The following CLASP1 variants were observed in gnomAD, a reference collection of about 807,000 sequenced individuals.
The protein encoded by CLASP1 is cytoplasmic linker associated protein 1.
Under a neutral mutation model 192.3 loss-of-function variants are expected in CLASP1, and 38 were observed. The ratio of observed to expected loss-of-function variants is 0.20; its 90% confidence interval spans 0.15 to 0.26. The LOEUF (loss-of-function observed/expected upper bound fraction) is 0.26, where lower values mean the gene tolerates loss of function less well. Ranked by LOEUF, CLASP1 falls within the 10% of genes least tolerant of loss-of-function variation. The pLI, the probability that CLASP1 is intolerant of heterozygous loss-of-function variation, is 1.00. For synonymous variants in CLASP1, 691 were observed against 712.8 expected (o/e 0.97, Z 0.49); for missense variants, 1,433 against 1,932.5 (o/e 0.74, Z 4.85).
intron 1 of CLASP1, among the ~76,000 whole-genome samples, chr2:121,637,518 T>C (rs186954318): frequency 2.0e-4 from 30 of 152,120 alleles, no homozygotes; most frequent in Admixed American, 9.2e-4. Flanking sequence ...GAGGAAAACA[T>C]AGGGATAAAT....
At chr2:121,428,061 T>C (rs995931026) in intron 20 of CLASP1, among the ~76,000 whole-genome samples, 71 of 152,364 alleles carry the variant, frequency 4.7e-4, no homozygotes, top group African/African-American at 1.6e-3. Flanking sequence ...TCACTCTTCC[T>C]GAGTACGATT....
In CLASP1 at chr2:121,583,971, T is replaced by C. The variant is rs79781852; in HGVS notation, c.195+21730A>G. On this transcript the variant is annotated intron_variant, in intron 2 of 39. Transcript: ENST00000263710. ...TTTTTGCCCTTCCACTCTTCTGCCATGTGAGGACACAGCGTTTGTCCCTTC... is the reference window on the plus strand; with the variant it reads ...TTTTTGCCCTTCCACTCTTCTGCCACGTGAGGACACAGCGTTTGTCCCTTC... Among the ~76,000 whole-genome samples, 950 of 151,574 alleles carry C rather than the reference T, an allele frequency of 6.3e-3. 15 individuals are homozygous for C. Among genetic ancestry groups the C allele is most frequent in the African/African-American group, 0.022 (919 of 40,900 alleles).
intron 2 of CLASP1, among the ~76,000 whole-genome samples, chr2:121,537,285 G>A (rs1452967348): frequency 6.6e-6 from 1 of 151,918 alleles, no homozygotes; most frequent in Non-Finnish European, 1.5e-5. Flanking sequence ...TCAGCTACTC[G>A]CATCGCTGAG....
At chr2:121,411,827 C>T (rs1170955137) in intron 23 of CLASP1, among the ~76,000 whole-genome samples, 5 of 152,112 alleles carry the variant, frequency 3.3e-5, no homozygotes, top group Non-Finnish European at 5.9e-5. Context: ...AGGAGAAAGG[C>T]AGTGTAAGTT....
At chr2:121,545,728 A>C (rs1231484360) in intron 2 of CLASP1, among the ~76,000 whole-genome samples, 1 of 152,144 alleles carries the variant, frequency 6.6e-6, no homozygotes, top group Non-Finnish European at 1.5e-5. Context: ...TATTCCAATA[A>C]TATCTTCCAT....
chr2:121,395,702 T>G (rs1226405781), intron 30 of CLASP1, among the ~76,000 whole-genome samples: 1 of 152,180 alleles, frequency 6.6e-6, no homozygotes, highest in African/African-American at 2.4e-5. Flanking sequence ...TGCATTGAGC[T>G]GACAATACAC....
At chr2:121,406,592 T>C (rs529958865) in intron 25 of CLASP1, among the ~76,000 whole-genome samples, 2 of 152,042 alleles carry the variant, frequency 1.3e-5, no homozygotes, top group Non-Finnish European at 2.9e-5. Context: ...TATTTTTTTA[T>C]TTTTTTTATT....
intron 1 of CLASP1, among the ~76,000 whole-genome samples, chr2:121,639,268 C>T (rs2071557005): frequency 1.3e-5 from 2 of 151,772 alleles, no homozygotes; most frequent in Admixed American, 1.3e-4. Context: ...CAGAGCGAGA[C>T]TCTGTCTCAA....
chr2:121,574,751 AC>A (rs908428322), intron 2 of CLASP1, among the ~76,000 whole-genome samples: 2 of 152,164 alleles, frequency 1.3e-5, no homozygotes, highest in African/African-American at 4.8e-5. Flanking sequence ...AGCCTGGCCA[AC>A]ATGATGAAAC....
chr2:121,552,300 G>C (rs1428422141), intron 2 of CLASP1, among the ~76,000 whole-genome samples: 1 of 152,128 alleles, frequency 6.6e-6, no homozygotes, highest in Non-Finnish European at 1.5e-5. Context: ...TCATGACAAA[G>C]ACACCAAAAG....
intron 8 of CLASP1, among the ~76,000 whole-genome samples, chr2:121,493,033 C>G (rs1251497336): frequency 6.6e-6 from 1 of 152,046 alleles, no homozygotes; most frequent in African/African-American, 2.4e-5. Context: ...TATATTTTAA[C>G]AAAGCAATTT....
rs147977737 is a variant in CLASP1, at chr2:121,549,764, G to A, written c.196-19439C>T. 2.0e-3 allele frequency among the ~76,000 whole-genome samples: 293 copies of A among 149,702 alleles called. 1 individual carries two copies. Among genetic ancestry groups the A allele is most frequent in the African/African-American group, 5.8e-3 (232 of 40,248 alleles). Reference sequence around the variant, plus strand: ...CTCACGCCTGTAATCCCAGCACTGTGGGAGGCAGAGGCGGGCAGATCATGA... The same window carrying A: ...CTCACGCCTGTAATCCCAGCACTGTAGGAGGCAGAGGCGGGCAGATCATGA... On this transcript the variant is annotated intron_variant, in intron 2 of 39. Transcript: ENST00000263710.
chr2:121,599,817 G>A (rs1324747779), intron 2 of CLASP1, among the ~76,000 whole-genome samples: 2 of 151,020 alleles, frequency 1.3e-5, no homozygotes, highest in Non-Finnish European at 2.9e-5. Context: ...CTACTCAGGA[G>A]GCTGAGGCAC....
intron 8 of CLASP1, among the ~76,000 whole-genome samples, chr2:121,496,008 A>C (rs1180013389): frequency 6.6e-6 from 1 of 152,234 alleles, no homozygotes; most frequent in Non-Finnish European, 1.5e-5. Flanking sequence ...ATTGCAGAGC[A>C]GGGCACAGAC....
chr2:121,458,101 G>C (rs1252198667), intron 13 of CLASP1, among the ~76,000 whole-genome samples: 1 of 152,158 alleles, frequency 6.6e-6, no homozygotes, highest in African/African-American at 2.4e-5. Flanking sequence ...CAATAGAAAT[G>C]TCCAATAATG....
At chr2:121,394,783 G>A (rs2074996312) in intron 30 of CLASP1, among the ~76,000 whole-genome samples, 1 of 152,212 alleles carries the variant, frequency 6.6e-6, no homozygotes, top group Non-Finnish European at 1.5e-5. Flanking sequence ...GGGAGGCTGA[G>A]GCAGGAGAAT....
chr2:121,400,398 T>C (rs2075987369), intron 28 of CLASP1, among the ~76,000 whole-genome samples: 1 of 152,146 alleles, frequency 6.6e-6, no homozygotes, highest in African/African-American at 2.4e-5. Context: ...AACAGACGCA[T>C]ACTTTGAAGT....
intron 34 of CLASP1, among the ~76,000 whole-genome samples, chr2:121,369,644 G>A (rs1372218306): frequency 6.6e-6 from 1 of 152,102 alleles, no homozygotes; most frequent in African/African-American, 2.4e-5. Flanking sequence ...AACCCGGTGT[G>A]CACGCTGGCT....
intron 1 of CLASP1, among the ~76,000 whole-genome samples, chr2:121,609,016 T>G (rs1365221802): frequency 6.6e-6 from 1 of 152,232 alleles, no homozygotes; most frequent in East Asian, 1.9e-4. Context: ...ATTAAGAAAT[T>G]GAGGTAAAGT....
Sources: gnomAD v4.1 joint callset for allele counts (sites outside exome capture counted in the v4.1 genomes callset) on GRCh38, gnomAD v4.1.1 for gene constraint, MANE v1.5 for transcripts, NCBI Gene and HGNC (gene_info 2026-07-23, HGNC 2026-07-21) for gene names.